The following PPP2R2B variants were observed in gnomAD, a reference collection of about 807,000 sequenced individuals.
PPP2R2B encodes protein phosphatase 2 regulatory subunit Bbeta.
In PPP2R2B, 5 loss-of-function variants were observed where a neutral mutation model predicts 46.0. The ratio of observed to expected loss-of-function variants is 0.11; its 90% CI spans 0.06 to 0.23. The LOEUF (loss-of-function observed/expected upper bound fraction) is 0.23, where lower values mean the gene tolerates loss of function less well. PPP2R2B is among the 10% of genes least tolerant of loss of function. The pLI is 1.00. For synonymous variants in PPP2R2B, 215 were observed against 206.7 expected, an observed-to-expected ratio of 1.04 and a Z score of -0.34; for missense variants, 367 against 575.0, an observed-to-expected ratio of 0.64 and a Z score of 3.70.
chr5:146,685,782 C>T (rs1199222013), intron 5 of PPP2R2B, among the ~76,000 whole-genome samples: 4 of 152,122 alleles, frequency 2.6e-5, no homozygotes, highest in Non-Finnish European at 5.9e-5. Context: ...ACAGAAACAG[C>T]CATTGTGTAA....
At chr5:146,741,348 T>C (rs1056047649) in intron 2 of PPP2R2B, among the ~76,000 whole-genome samples, 1 of 152,128 alleles carries the variant, frequency 6.6e-6, no homozygotes, top group African/African-American at 2.4e-5. Context: ...CTAAAACATT[T>C]TCTTATACAT....
At chr5:147,057,092 G>T (rs1352377475), upstream of PPP2R2B, among the ~76,000 whole-genome samples, 2 of 152,128 alleles carry the variant, frequency 1.3e-5, no homozygotes, top group Non-Finnish European at 2.9e-5. Flanking sequence ...ACTCAGCATT[G>T]GAGAAATGTG....
chr5:146,609,966 CG>C (rs1260603222), intron 7 of PPP2R2B, among the ~76,000 whole-genome samples: 2 of 143,894 alleles, frequency 1.4e-5, no homozygotes, highest in Non-Finnish European at 3.0e-5. Context: ...ACAAAGCAGC[CG>C]GGAAGCTCGA....
intron 2 of PPP2R2B, among the ~76,000 whole-genome samples, chr5:146,797,205 T>C (rs1020176771): frequency 7.2e-5 from 11 of 152,192 alleles, no homozygotes; most frequent in African/African-American, 2.7e-4. Flanking sequence ...GCTTTAGCTT[T>C]CAAGACACTC....
chr5:146,852,248 G>T (rs1171726726), intron 2 of PPP2R2B, among the ~76,000 whole-genome samples: 1 of 152,068 alleles, frequency 6.6e-6, no homozygotes, highest in Non-Finnish European at 1.5e-5. Context: ...CAGCTCAAGA[G>T]GAATGCTCCA....
chr5:146,751,879 C>A (rs1753576056), intron 2 of PPP2R2B, among the ~76,000 whole-genome samples: 1 of 152,064 alleles, frequency 6.6e-6, no homozygotes, highest in Non-Finnish European at 1.5e-5. Flanking sequence ...ACTACAAGTG[C>A]AAAGAGCCTG....
At chr5:147,031,606 C>G (rs1755788634) in intron 1 of PPP2R2B, among the ~76,000 whole-genome samples, 1 of 152,100 alleles carries the variant, frequency 6.6e-6, no homozygotes, top group Non-Finnish European at 1.5e-5. Context: ...CATTACCTCT[C>G]TGTCATACTT....
chr5:147,012,808 T>C (rs1754806669), intron 1 of PPP2R2B, among the ~76,000 whole-genome samples: 1 of 152,008 alleles, frequency 6.6e-6, no homozygotes, highest in Non-Finnish European at 1.5e-5. Context: ...TCAAAGAACA[T>C]CTTTATTTCT....
chr5:147,066,663 G>A (rs890688207), intron 2 of PPP2R2B, among the ~76,000 whole-genome samples: 7 of 152,098 alleles, frequency 4.6e-5, no homozygotes, highest in Non-Finnish European at 8.8e-5. Flanking sequence ...TAAGTGTCAG[G>A]CACCGTATTA....
At chr5:146,632,402 GC>G (rs922000379) in intron 7 of PPP2R2B, among the ~76,000 whole-genome samples, 1 of 152,198 alleles carries the variant, frequency 6.6e-6, no homozygotes, top group African/African-American at 2.4e-5. Context: ...AATTGTTTAA[GC>G]AGTGTAGTCC....
rs201880757 is a variant in PPP2R2B at position 146,698,122 on chromosome 5, C to G, written c.191G>C (p.Arg64Thr). 1.9e-6 allele frequency: 3 copies of G among 1,598,454 alleles called. No individual in the cohort carries two copies. In the Admixed American group the frequency reaches 5.3e-5, roughly 28 times the overall value. ...EQESKNQVHRRGEYNVYSTFQ... is the reference protein window; with the variant it reads ...EQESKNQVHRTGEYNVYSTFQ... Reference sequence around the variant, plus strand: ...TGTGCTGTAAACATTGTATTCACCCCTACGATGAACCTGATTTTTACTCTG... The same window carrying G: ...TGTGCTGTAAACATTGTATTCACCCGTACGATGAACCTGATTTTTACTCTG... The change falls in exon 4 of 10, where the codon AGG becomes ACG. Residue 64 changes from arginine (R) to threonine (T), a missense_variant. This residue lies in a region of PPP2R2B where 361 missense variants were observed against 545.5 expected (regional missense o/e 0.66). Transcript: ENST00000394411.
intron 2 of PPP2R2B, among the ~76,000 whole-genome samples, chr5:146,720,418 G>A (rs1375620949): frequency 6.6e-6 from 1 of 152,172 alleles, no homozygotes; most frequent in Non-Finnish European, 1.5e-5. Flanking sequence ...TTTAGACTGA[G>A]GGTAGAGGAT....
rs1414289377 is a variant in PPP2R2B, at chr5:146,673,732, A to G, written c.447+17396T>C. 2.0e-5 allele frequency among the ~76,000 whole-genome samples: 3 copies of G among 152,222 alleles called. No homozygotes were observed. In the East Asian group the frequency reaches 5.8e-4, roughly 29 times the overall value. On this transcript the variant is annotated intron_variant, in intron 5 of 9. Coordinates refer to ENST00000394411, the MANE Select transcript of PPP2R2B (RefSeq NM_181675.4). ...CTTAACTGCAGCTTCTTCCCTAGAA[A>G]GGAGTGACTCCTGAGCATGTAACCT...
At chr5:147,028,257 C>A (rs1030633284) in intron 1 of PPP2R2B, among the ~76,000 whole-genome samples, 1 of 152,148 alleles carries the variant, frequency 6.6e-6, no homozygotes, top group Admixed American at 6.5e-5. Flanking sequence ...CCTTCTTGAT[C>A]CTGCAGGACC....
intron 2 of PPP2R2B, among the ~76,000 whole-genome samples, chr5:146,774,816 CAAAA>C (rs548935070): frequency 6.0e-5 from 4 of 66,704 alleles, no homozygotes; most frequent in Non-Finnish European, 6.4e-5. Context: ...GACTCTGTCT[CAAAA>C]AAAAAAAAAA....
intron 2 of PPP2R2B, among the ~76,000 whole-genome samples, chr5:146,766,937 C>T (rs1397806358): frequency 2.0e-5 from 3 of 151,538 alleles, no homozygotes; most frequent in Admixed American, 6.6e-5. Flanking sequence ...GCCTGTTGTC[C>T]CAGCTACTTG....
At position 146,639,297 on chromosome 5, in the gene PPP2R2B, C is replaced by T. The variant is rs145744587; in HGVS notation, c.626-882G>A. Among the ~76,000 whole-genome samples the T allele has an allele frequency of 3.9e-5, 6 of 152,164 alleles. No individual in the cohort carries two copies. The East Asian group carries it at 7.7e-4, about 20-fold the overall frequency. On this transcript the variant is annotated intron_variant, in intron 6 of 9. Transcript: ENST00000394411. Reference sequence around the variant, plus strand: ...ATCCAGTTGGAAAGTTTTAGGGTCCCGTGGAAAATATCCTTAGTTTTATCA... The same window carrying T: ...ATCCAGTTGGAAAGTTTTAGGGTCCTGTGGAAAATATCCTTAGTTTTATCA...
At chr5:147,043,380 GT>G (rs1207941587) in intron 1 of PPP2R2B, among the ~76,000 whole-genome samples, 1 of 152,066 alleles carries the variant, frequency 6.6e-6, no homozygotes, top group African/African-American at 2.4e-5. Flanking sequence ...GACTGGTGGT[GT>G]TTTTGCAAGA....
At chr5:146,730,399 G>A (rs1274529548) in intron 2 of PPP2R2B, among the ~76,000 whole-genome samples, 1 of 152,172 alleles carries the variant, frequency 6.6e-6, no homozygotes, top group Non-Finnish European at 1.5e-5. Flanking sequence ...ATGCTGAAAT[G>A]AGTTAAGACT....
Sources: allele counts gnomAD v4.1 joint callset (sites outside exome capture counted in the v4.1 genomes callset), GRCh38; gene constraint gnomAD v4.1.1; regional missense constraint gnomAD v4.1.1; transcripts MANE v1.5; gene names NCBI Gene and HGNC (gene_info 2026-07-23, HGNC 2026-07-21).